The following DMC1 variants were observed in gnomAD, a reference collection of about 807,000 sequenced individuals.
DMC1 encodes meiotic recombination protein DMC1 homolog.
A neutral mutation model predicts 50.1 loss-of-function variants in DMC1; 27 were observed. The ratio of observed to expected loss-of-function variants is 0.54; its 90% CI spans 0.40 to 0.74. DMC1 has a LOEUF of 0.74. Among genes scored for constraint, DMC1 ranks in the 30% least tolerant of loss-of-function variants. The pLI, the probability that DMC1 is intolerant of heterozygous loss-of-function variation, is 0.00. For synonymous variants in DMC1, 148 were observed against 136.1 expected, an observed-to-expected ratio of 1.09 and a Z score of -0.61; for missense variants, 295 against 420.2, an observed-to-expected ratio of 0.70 and a Z score of 2.60.
intron 8 of DMC1, among the ~76,000 whole-genome samples, chr22:38,545,193 G>C (rs2090330409): frequency 1.3e-5 from 2 of 151,958 alleles, no homozygotes; most frequent in Admixed American, 1.3e-4. Context: ...AGGATCACTA[G>C]AGCTCAGGAG....
At position 38,541,791 on chromosome 22, in the gene DMC1, G is replaced by A. The variant is rs540825939; in HGVS notation, c.495-2379C>T. 1.4e-4 allele frequency among the ~76,000 whole-genome samples: 21 copies of A among 152,012 alleles called. No homozygotes were observed. The South Asian group carries it at 4.4e-3, about 32-fold the overall frequency. On this transcript the variant is annotated intron_variant, in intron 8 of 13. Coordinates refer to ENST00000216024, the MANE Select transcript of DMC1 (RefSeq NM_007068.4). Reference sequence around the variant, plus strand: ...TTTGGTCTGGGAACAATGTGACCGCGGGTGTAAAACTTGGGCTTAAATCCT... The same window carrying A: ...TTTGGTCTGGGAACAATGTGACCGCAGGTGTAAAACTTGGGCTTAAATCCT...
chr22:38,528,352 C>G (rs1396117636), intron 12 of DMC1, among the ~76,000 whole-genome samples: 4 of 151,986 alleles, frequency 2.6e-5, no homozygotes, highest in Admixed American at 1.3e-4. Context: ...GTGTGAGCCA[C>G]TGCGCCTGGC....
chr22:38,523,470 A>G (rs2090052619), intron 12 of DMC1, among the ~76,000 whole-genome samples: 1 of 152,082 alleles, frequency 6.6e-6, no homozygotes, highest in Non-Finnish European at 1.5e-5. Flanking sequence ...GCCTGCAAAC[A>G]CTGTATTTAT....
At chr22:38,540,610 A>C (rs2090270294) in intron 8 of DMC1, among the ~76,000 whole-genome samples, 1 of 152,150 alleles carries the variant, frequency 6.6e-6, no homozygotes, top group Non-Finnish European at 1.5e-5. Context: ...TAAATCAAGG[A>C]CCATTTATAA....
chr22:38,551,856 CTTTTTT>C (rs71761663), intron 7 of DMC1, among the ~76,000 whole-genome samples: 2 of 93,184 alleles, frequency 2.1e-5, no homozygotes, highest in Non-Finnish European at 2.1e-5. Flanking sequence ...GAACTCCTTT[CTTTTTT>C]TTTTTTTTTT....
intron 12 of DMC1, among the ~76,000 whole-genome samples, chr22:38,525,200 C>T (rs1314798004): frequency 6.6e-6 from 1 of 152,166 alleles, no homozygotes; most frequent in East Asian, 1.9e-4. Context: ...CTATAATATA[C>T]AGGGTACTCC....
At chr22:38,567,668 C>G in intron 2 of DMC1, 41 bp from the exon 3 acceptor site, 3 of 1,434,408 alleles carry the variant, frequency 2.1e-6, no homozygotes, top group Non-Finnish European at 3.0e-6. Flanking sequence ...TTTGATTCTT[C>G]ATATCCAGCT....
chr22:38,560,648 T>G (rs1291364697), intron 5 of DMC1, among the ~76,000 whole-genome samples: 1 of 152,010 alleles, frequency 6.6e-6, no homozygotes, highest in Admixed American at 6.6e-5. Flanking sequence ...AATAGTTGAA[T>G]TATATTCTCA....
chr22:38,560,695 A>G (rs1416092229), intron 5 of DMC1, among the ~76,000 whole-genome samples: 1 of 151,948 alleles, frequency 6.6e-6, no homozygotes, highest in Non-Finnish European at 1.5e-5. Context: ...ACATAAAAAT[A>G]ACATATATTA....
At chr22:38,552,905 T>C (rs887180744) in intron 6 of DMC1, among the ~76,000 whole-genome samples, 198 bp from the exon 7 acceptor site, 1 of 151,884 alleles carries the variant, frequency 6.6e-6, no homozygotes, top group Non-Finnish European at 1.5e-5. Flanking sequence ...TGGAGTGCAG[T>C]GGCACGATCT....
chr22:38,549,971 C>T lies in DMC1; in HGVS notation c.448G>A (p.Gly150Ser). 1.2e-6 allele frequency: 2 copies of T among 1,613,652 alleles called. 1 individual carries two copies. Among genetic ancestry groups the T allele is most frequent in the Non-Finnish European group, 1.7e-6 (2 of 1,179,738 alleles). ...AAGATAATCTTTCCTCCTGGGTAGC[C>T]ACCAGCTCCTGGAAGTTGAGCTGTC... Reference protein sequence around the residue: ...CVTAQLPGAGGYPGGKIIFID... With the variant: ...CVTAQLPGAGSYPGGKIIFID... The change falls in exon 8 of 14, where the codon GGC becomes AGC. Residue 150 changes from glycine (G) to serine (S), a missense_variant. Physicochemically the swap from Gly to Ser is moderately conservative, Grantham distance 56 (BLOSUM62 0). Transcript: ENST00000216024.
chr22:38,550,043 T>A, intron 7 of DMC1, 46 bp from the exon 8 acceptor site: 5 of 1,368,846 alleles, frequency 3.7e-6, no homozygotes, highest in Non-Finnish European at 3.1e-6. Flanking sequence ...GAATAAACTT[T>A]GTACACATGA....
In DMC1 at chr22:38,519,978, C is replaced by G. The variant is rs763658995; in HGVS notation, c.*42G>C. The stretch of plus-strand genomic sequence containing the variant: ...GGAGACTGCTTTTCCATTTCTTCAG[C>G]TCCTAATAAGCACTAAGAAGCAATT... On this transcript the variant is annotated 3_prime_UTR_variant, in exon 14 of 14. Coordinates refer to ENST00000216024, the MANE Select transcript of DMC1 (RefSeq NM_007068.4). 1 of 1,517,316 alleles carries G rather than the reference C, an allele frequency of 6.6e-7. No individual in the cohort carries two copies. The highest frequency in any genetic ancestry group is 9.2e-7 in the Non-Finnish European group (1 of 1,092,442). The allele number at this position is 1,517,316 out of a possible 1,614,324, so 94.0% of individuals were successfully genotyped here.
intron 5 of DMC1, among the ~76,000 whole-genome samples, chr22:38,559,338 T>G (rs1440497927): frequency 6.6e-6 from 1 of 151,454 alleles, no homozygotes; most frequent in Admixed American, 6.6e-5. Flanking sequence ...GCCATTTTTT[T>G]GGTAATTTTT....
intron 12 of DMC1, among the ~76,000 whole-genome samples, chr22:38,524,994 G>A (rs1199741925): frequency 1.3e-5 from 2 of 152,182 alleles, no homozygotes; most frequent in African/African-American, 4.8e-5. Flanking sequence ...CTGGGAGGCA[G>A]AGGTTGTGGT....
intron 8 of DMC1, among the ~76,000 whole-genome samples, chr22:38,548,650 G>A (rs1056363174): frequency 6.6e-6 from 1 of 152,156 alleles, no homozygotes; most frequent in Non-Finnish European, 1.5e-5. Context: ...GAGGTGGGTG[G>A]ATCACTTGAG....
chr22:38,510,043 T>A, the DMC1 span, among the ~76,000 whole-genome samples: 2 of 152,108 alleles, frequency 1.3e-5, no homozygotes, highest in African/African-American at 4.8e-5. Context: ...TGAAACCCCG[T>A]CTCTCCTAAA....
At chr22:38,552,827 A>T in intron 6 of DMC1, 120 bp from the exon 7 acceptor site, 1 of 714,272 alleles carries the variant, frequency 1.4e-6, no homozygotes, top group Admixed American at 2.5e-5. Context: ...GGCAAATCTT[A>T]CTTATAAAGT....
At chr22:38,512,046 C>T in the DMC1 span, among the ~76,000 whole-genome samples, 1 of 152,030 alleles carries the variant, frequency 6.6e-6, no homozygotes, top group Admixed American at 6.6e-5. Flanking sequence ...ACAATCTTGG[C>T]TCACTGCAAC....
Sources: gnomAD v4.1 joint callset for allele counts (sites outside exome capture counted in the v4.1 genomes callset) on GRCh38, gnomAD v4.1.1 for gene constraint, MANE v1.5 for transcripts, NCBI Gene and HGNC (gene_info 2026-07-23, HGNC 2026-07-21) for gene names.